Variants in PLEKHG4B observed in about 807,000 individuals in gnomAD.
PLEKHG4B encodes pleckstrin homology and RhoGEF domain containing G4B, also known as pleckstrin homology domain-containing family G member 4B.
PLEKHG4B carries 111 observed loss-of-function variants against 121.3 expected under a neutral mutation model. That is an observed-to-expected ratio of 0.92 (90% CI 0.78 to 1.07). The LOEUF (loss-of-function observed/expected upper bound fraction) is 1.07. Ranked by LOEUF, PLEKHG4B falls within the 50% of genes least tolerant of loss-of-function variation. The pLI, the probability that PLEKHG4B is intolerant of heterozygous loss-of-function variation, is 0.00. For synonymous variants in PLEKHG4B, 738 were observed against 725.0 expected, an observed-to-expected ratio of 1.02 and a Z score of -0.29; for missense variants, 1,831 against 1,757.8, an observed-to-expected ratio of 1.04 and a Z score of -0.74.
At chr5:125,278 G>A (rs981751589) in intron 2 of PLEKHG4B, among the ~76,000 whole-genome samples, 5 of 152,074 alleles carry the variant, frequency 3.3e-5, no homozygotes, top group African/African-American at 4.8e-5. Context: ...CTGCATTACT[G>A]TCTTCTTCAG....
At chr5:119,809 C>T (rs541617919) in intron 2 of PLEKHG4B, among the ~76,000 whole-genome samples, 1 of 152,286 alleles carries the variant, frequency 6.6e-6, no homozygotes, top group South Asian at 2.1e-4. Context: ...TTTAGGAAAC[C>T]TCTGGGCTGA....
At chr5:166,608 A>ACACTAATGCTCTGACGGGGCGG (rs1579317950) in intron 13 of PLEKHG4B, among the ~76,000 whole-genome samples, 1 of 152,112 alleles carries the variant, frequency 6.6e-6, no homozygotes, top group Non-Finnish European at 1.5e-5. Context: ...GGCGGAGCTC[A>ACACTAATGCTCTGACGGGGCGG]GGTGGCAACA....
At position 146,080 on chromosome 5, in the gene PLEKHG4B, C is replaced by T. The variant is rs192470569; in HGVS notation, c.1905+1160C>T. ...CCCCCTCCATGGTCCTCACTCCTCT[C>T]CCCACTTGGAGTCCTCCCTCCTCTC... On this transcript the variant is annotated intron_variant, in intron 6 of 19. Coordinates refer to ENST00000637938, the MANE Select transcript of PLEKHG4B (RefSeq NM_052909.5). 3.0e-3 allele frequency among the ~76,000 whole-genome samples: 458 copies of T among 150,858 alleles called. 2 individuals carry two copies. Among genetic ancestry groups the T allele is most frequent in the Middle Eastern group, 0.01 (3 of 288 alleles).
At chr5:163,627 C>G (rs1320512960) in intron 13 of PLEKHG4B, 79 bp downstream of exon 13, 36 of 1,197,076 alleles carry the variant, frequency 3.0e-5, no homozygotes, top group Non-Finnish European at 3.8e-5. Context: ...GCAGTAAACT[C>G]TCTTCTGCAA....
At chr5:177,679 A>C (rs1455997259) in intron 18 of PLEKHG4B, among the ~76,000 whole-genome samples, 1 of 152,220 alleles carries the variant, frequency 6.6e-6, no homozygotes, top group Non-Finnish European at 1.5e-5. Flanking sequence ...AAGAAATGAA[A>C]GCACACTTGG....
intron 13 of PLEKHG4B, 35 bp downstream of exon 13, chr5:163,583 G>A: frequency 6.8e-7 from 1 of 1,475,942 alleles, no homozygotes; most frequent in Non-Finnish European, 9.0e-7. Flanking sequence ...CGTCCTAGCA[G>A]TCCTTGGGGA....
At chr5:161,621 C>T (rs1189060591) in intron 11 of PLEKHG4B, among the ~76,000 whole-genome samples, 162 bp from the exon 12 acceptor site, 12 of 152,130 alleles carry the variant, frequency 7.9e-5, no homozygotes, top group Non-Finnish European at 1.6e-4. Context: ...AGAAATGCCT[C>T]GGTCCTTTGG....
chr5:180,531 C>A (rs7700533), intron 18 of PLEKHG4B, among the ~76,000 whole-genome samples: 1 of 152,132 alleles, frequency 6.6e-6, no homozygotes, highest in African/African-American at 2.4e-5. Context: ...GGCCTGTGAA[C>A]GCCACATCTG....
chr5:164,781 C>CAG (rs1306198309), intron 13 of PLEKHG4B, among the ~76,000 whole-genome samples: 2 of 117,240 alleles, frequency 1.7e-5, no homozygotes, highest in Non-Finnish European at 1.7e-5. Context: ...GGAGCTCACA[C>CAG]TAATGCTCTG....
chr5:92,576 G>C (rs1358604315), intron 1 of PLEKHG4B, among the ~76,000 whole-genome samples: 1 of 151,120 alleles, frequency 6.6e-6, no homozygotes, highest in Non-Finnish European at 1.5e-5. Context: ...ACGTGCTGGG[G>C]GTCCTGGCGT....
chr5:154,621 CTTTTTTT>C (rs35893349), intron 7 of PLEKHG4B, among the ~76,000 whole-genome samples: 3 of 131,864 alleles, frequency 2.3e-5, no homozygotes, highest in African/African-American at 5.8e-5. Flanking sequence ...TCCTTCCTCC[CTTTTTTT>C]TTTTTTTTTT....
intron 3 of PLEKHG4B, among the ~76,000 whole-genome samples, chr5:141,475 TC>T (rs1033438412): frequency 1.5e-4 from 23 of 150,202 alleles, no homozygotes; most frequent in Admixed American, 8.0e-4. Flanking sequence ...CGTGGCCTCC[TC>T]CCCAGTGCTT....
rs371745221 is a variant in PLEKHG4B at position 156,169 on chromosome 5, G to A, written c.2307G>A (p.Leu769=). ...VSLRLEGGTV[L]ARLRREELGT... The stretch of plus-strand genomic sequence containing the variant: ...TCAGGCTGGAGGGGGGCACCGTCCT[G>A]GCGCGGCTGAGGAGAGAAGAGCTTG... The change falls in exon 10 of 20, where the codon CTG becomes CTA. Residue 769 remains leucine, a synonymous_variant. Transcript: ENST00000637938. The surrounding 1 kb of genome is among the most constrained non-coding windows in gnomAD (Gnocchi z 4.4). 4 of 1,584,748 alleles carry A rather than the reference G, an allele frequency of 2.5e-6. No individual in the cohort carries two copies. In the African/African-American group the frequency reaches 5.6e-5, roughly 22 times the overall value.
Position 169,396 on chromosome 5 carries a change from G to A in PLEKHG4B, c.3533G>A (p.Arg1178Gln), listed in dbSNP as rs146749875. 5.0e-5 allele frequency: 80 copies of A among 1,614,014 alleles called. No individual in the cohort carries two copies. Among genetic ancestry groups the A allele is most frequent in the African/African-American group, 2.0e-4 (15 of 74,942 alleles). Residue 1178 changes from arginine (R) to glutamine (Q), a missense_variant, in exon 14 of 20, where the codon CGG becomes CAG. Transcript: ENST00000637938. Reference sequence around the variant, plus strand: ...ATCGCCACAGAGAGGGAGTACATTCGGTGCTTAGGATACGTCATTGACAAC... The same window carrying A: ...ATCGCCACAGAGAGGGAGTACATTCAGTGCTTAGGATACGTCATTGACAAC... The part of the protein sequence containing the change: ...EMIATEREYI[R>Q]CLGYVIDNYF...
At chr5:129,465 A>G (rs949512106) in intron 2 of PLEKHG4B, among the ~76,000 whole-genome samples, 1 of 151,678 alleles carries the variant, frequency 6.6e-6, no homozygotes, top group African/African-American at 2.4e-5. Context: ...TCCAGTATAT[A>G]CCTTACATGT....
Position 162,725 on chromosome 5 carries a change from A to G in PLEKHG4B, c.2653A>G (p.Ser885Gly). The part of the protein sequence containing the change: ...TRSSELCETV[S>G]SWMGPLDPEA... ...CAGAGCCCTCCTTGTCCCACAGGTG[A>G]GCAGCTGGATGGGGCCCCTGGACCC... The change falls in exon 13 of 20, where the codon AGC (serine) becomes GGC (glycine). Residue 885 changes from serine (S) to glycine (G), a missense_variant. Coordinates refer to ENST00000637938, the MANE Select transcript of PLEKHG4B (RefSeq NM_052909.5). 1 of 1,450,660 alleles carries G rather than the reference A, an allele frequency of 6.9e-7. No individual in the cohort carries two copies. Among genetic ancestry groups the G allele is most frequent in the Non-Finnish European group, 9.1e-7 (1 of 1,100,008 alleles). The allele number at this position is 1,450,660 out of a possible 1,614,324, so 89.9% of individuals were successfully genotyped here.
At chr5:169,620 G>C in intron 14 of PLEKHG4B, 28 bp downstream of exon 14, 1 of 1,606,652 alleles carries the variant, frequency 6.2e-7, no homozygotes, top group East Asian at 2.2e-5. Flanking sequence ...CGTGGGTGCC[G>C]GGCAACGTGG....
chr5:115,451 A>G (rs963039508), intron 2 of PLEKHG4B, among the ~76,000 whole-genome samples: 4 of 152,244 alleles, frequency 2.6e-5, no homozygotes, highest in Non-Finnish European at 5.9e-5. Flanking sequence ...GAAAGTCCCC[A>G]GCTGCACCAG....
chr5:163,324 A>C lies in PLEKHG4B; in HGVS notation c.3252A>C (p.Gln1084His), dbSNP rs1396653116. 6.2e-7 allele frequency: 1 copy of C among 1,613,368 alleles called. No homozygotes were observed. ...HPQKKMIKKT[Q>H]SFEIPQPDSG... ...AGAAGAAAATGATAAAGAAAACGCA[A>C]AGTTTCGAGATACCTCAGCCCGACA... The change falls in exon 13 of 20, where the codon CAA becomes CAC. Residue 1084 changes from glutamine (Q) to histidine (H), a missense_variant. By Grantham distance (24) the Gln-to-His change is conservative. Transcript: ENST00000637938.
Sources: allele counts gnomAD v4.1 joint callset (sites outside exome capture counted in the v4.1 genomes callset), GRCh38; gene constraint gnomAD v4.1.1; non-coding constraint Gnocchi (gnomAD v3.1); transcripts MANE v1.5; gene names NCBI Gene and HGNC (gene_info 2026-07-23, HGNC 2026-07-21).